The following ZNF892 variants were observed in gnomAD, a reference collection of about 807,000 sequenced individuals.
ZNF892 encodes the protein zinc finger protein 570-like.
chr2:95,256,258 G>A, the ZNF892 span, among the ~76,000 whole-genome samples: 1 of 152,122 alleles, frequency 6.6e-6, no homozygotes, highest in Non-Finnish European at 1.5e-5. Context: ...CTCTTTTAGG[G>A]CAGGCCTGGT....
chr2:95,255,323 C>T, the ZNF892 span, among the ~76,000 whole-genome samples: 1 of 152,174 alleles, frequency 6.6e-6, no homozygotes, highest in East Asian at 1.9e-4. Flanking sequence ...TTTCTGCCTT[C>T]ATTTCGTTAC....
At chr2:95,235,362 T>C in the ZNF892 span, among the ~76,000 whole-genome samples, 1 of 114,518 alleles carries the variant, frequency 8.7e-6, no homozygotes, top group African/African-American at 4.2e-5. Context: ...TCCAGTAAAC[T>C]TTTTTTTTTT....
chr2:95,231,281 AAG>A, the ZNF892 span, among the ~76,000 whole-genome samples: 1 of 152,256 alleles, frequency 6.6e-6, no homozygotes. Context: ...TGTTGAGTGA[AAG>A]AAGTCAGAAC....
chr2:95,241,424 G>A, the ZNF892 span, among the ~76,000 whole-genome samples: 1 of 151,972 alleles, frequency 6.6e-6, no homozygotes, highest in Admixed American at 6.6e-5. Flanking sequence ...ATTATTAAAA[G>A]AAAAACAAAC....
At chr2:95,224,758 C>T in the ZNF892 span, among the ~76,000 whole-genome samples, 1 of 152,190 alleles carries the variant, frequency 6.6e-6, no homozygotes, top group Non-Finnish European at 1.5e-5. Flanking sequence ...GCTTGATCCC[C>T]AGTGAGGTGG....
the ZNF892 span, chr2:95,259,738 A>G: frequency 6.6e-6 from 1 of 152,270 alleles, no homozygotes; most frequent in Non-Finnish European, 1.5e-5. Context: ...TCATGATAAT[A>G]TAGGCTAAAC....
the ZNF892 span, among the ~76,000 whole-genome samples, chr2:95,234,434 C>G: frequency 2.0e-5 from 3 of 152,218 alleles, no homozygotes; most frequent in African/African-American, 7.2e-5. Context: ...CTCACTCACC[C>G]TGGAAGAAGG....
chr2:95,229,621 A>G, the ZNF892 span, among the ~76,000 whole-genome samples: 2 of 152,128 alleles, frequency 1.3e-5, no homozygotes, highest in African/African-American at 2.4e-5. Flanking sequence ...ACCATTCTGT[A>G]TGTATCAGTT....
the ZNF892 span, among the ~76,000 whole-genome samples, chr2:95,210,253 G>A: frequency 6.7e-6 from 1 of 150,006 alleles, no homozygotes; most frequent in African/African-American, 2.4e-5. Context: ...ATATATATGT[G>A]TATATATATG....
chr2:95,220,789 T>G, the ZNF892 span, among the ~76,000 whole-genome samples: 1 of 152,196 alleles, frequency 6.6e-6, no homozygotes. Context: ...AGTTTATAAA[T>G]TGAGGAAACA....
At chr2:95,209,531 G>C in the ZNF892 span, among the ~76,000 whole-genome samples, 2 of 152,226 alleles carry the variant, frequency 1.3e-5, no homozygotes, top group Admixed American at 1.3e-4. Flanking sequence ...GACAGTGGGA[G>C]ATTGGCAGAC....
the ZNF892 span, among the ~76,000 whole-genome samples, chr2:95,227,508 G>A: frequency 6.7e-6 from 1 of 149,066 alleles, no homozygotes; most frequent in African/African-American, 2.5e-5. Context: ...TTTTTTTGTA[G>A]AGACAGGGTT....
the ZNF892 span, among the ~76,000 whole-genome samples, chr2:95,219,295 C>T: frequency 3.3e-5 from 5 of 152,122 alleles, no homozygotes; most frequent in South Asian, 2.1e-4. Flanking sequence ...CATGAGCCAC[C>T]GCCCCGGCCA....
chr2:95,218,756 C>T, the ZNF892 span, among the ~76,000 whole-genome samples: 2 of 152,314 alleles, frequency 1.3e-5, no homozygotes, highest in East Asian at 1.9e-4. Flanking sequence ...GGTCCAACAG[C>T]GTTCAGTTCC....
chr2:95,232,375 G>A, the ZNF892 span, among the ~76,000 whole-genome samples: 2 of 152,176 alleles, frequency 1.3e-5, no homozygotes, highest in African/African-American at 4.8e-5. Flanking sequence ...GATACCAAGG[G>A]GCATTGTGAC....
chr2:95,221,049 G>A, the ZNF892 span, among the ~76,000 whole-genome samples: 720 of 152,274 alleles, frequency 4.7e-3, 6 homozygotes, highest in Middle Eastern at 0.024. Flanking sequence ...AAATAACTGA[G>A]ATTTGGGACA....
chr2:95,208,737 G>C, the ZNF892 span: 1 of 398,644 alleles, frequency 2.5e-6, no homozygotes, highest in East Asian at 3.6e-5. Context: ...TGGGTCCCAA[G>C]TAAGTTTAGA....
chr2:95,261,137 C>T, the ZNF892 span, among the ~76,000 whole-genome samples: 3 of 152,086 alleles, frequency 2.0e-5, no homozygotes, highest in South Asian at 6.2e-4. Flanking sequence ...CTCATGACAA[C>T]CCAGAAGAGG....
At chr2:95,214,051 C>A in the ZNF892 span, among the ~76,000 whole-genome samples, 1 of 152,172 alleles carries the variant, frequency 6.6e-6, no homozygotes. Flanking sequence ...TTCTTAGTCT[C>A]ATTCTGTTAT....
Sources: allele counts gnomAD v4.1 joint callset (sites outside exome capture counted in the v4.1 genomes callset), GRCh38; gene constraint gnomAD v4.1.1; transcripts MANE v1.5; gene names NCBI Gene and HGNC (gene_info 2026-07-23, HGNC 2026-07-21).